SNTG1: variants seen among roughly 807,000 people sequenced by gnomAD.
SNTG1 encodes syntrophin gamma 1.
SNTG1 carries 39 observed loss-of-function variants against 74.7 expected under a neutral mutation model. That is an observed-to-expected ratio of 0.52 (90% CI 0.40 to 0.68). The LOEUF is 0.68. SNTG1 is among the 30% of genes least tolerant of loss of function. The probability of loss-of-function intolerance (pLI) is 0.00; values close to 1 mark genes in which losing one functional copy is unlikely to be tolerated. For synonymous variants in SNTG1, 254 were observed against 217.1 expected, an observed-to-expected ratio of 1.17 and a Z score of -1.49; for missense variants, 685 against 609.5, an observed-to-expected ratio of 1.12 and a Z score of -1.30.
At chr8:50,515,550 T>C (rs890670763) in intron 9 of SNTG1, among the ~76,000 whole-genome samples, 2 of 152,080 alleles carry the variant, frequency 1.3e-5, no homozygotes, top group Admixed American at 6.5e-5. Flanking sequence ...TAAGATCCAC[T>C]GGCTTGAAAT....
At chr8:50,204,853 A>G (rs1216208034) in intron 2 of SNTG1, among the ~76,000 whole-genome samples, 1 of 152,072 alleles carries the variant, frequency 6.6e-6, no homozygotes, top group African/African-American at 2.4e-5. Flanking sequence ...GTTTGCTGAG[A>G]ATGATGGTTC....
chr8:50,107,806 C>G (rs942256218), intron 1 of SNTG1, among the ~76,000 whole-genome samples: 1 of 152,046 alleles, frequency 6.6e-6, no homozygotes. Context: ...CCACCTAAGC[C>G]GCCCAAAGTG....
chr8:50,155,929 G>A (rs1317001276), intron 1 of SNTG1, among the ~76,000 whole-genome samples: 1 of 151,750 alleles, frequency 6.6e-6, no homozygotes, highest in African/African-American at 2.4e-5. Flanking sequence ...ATCACAATTT[G>A]TCAGAGCAAC....
At chr8:50,757,920 C>A (rs976239110) in intron 18 of SNTG1, among the ~76,000 whole-genome samples, 1 of 151,906 alleles carries the variant, frequency 6.6e-6, no homozygotes, top group Admixed American at 6.6e-5. Flanking sequence ...TTCAAAACAA[C>A]ACTACACTGA....
At chr8:50,056,394 C>T (rs1483807360) in intron 1 of SNTG1, among the ~76,000 whole-genome samples, 18 of 152,082 alleles carry the variant, frequency 1.2e-4, no homozygotes. Flanking sequence ...CTTCCTCCTC[C>T]GATTGCTATG....
intron 1 of SNTG1, among the ~76,000 whole-genome samples, chr8:50,074,526 A>C (rs1296411014): frequency 6.6e-6 from 1 of 152,250 alleles, no homozygotes; most frequent in Non-Finnish European, 1.5e-5. Context: ...TTGTTGGAAC[A>C]GTCAAAACAT....
chr8:49,962,247 A>C (rs1159571929), intron 1 of SNTG1, among the ~76,000 whole-genome samples: 2 of 151,916 alleles, frequency 1.3e-5, no homozygotes. Flanking sequence ...GATGAGAAGC[A>C]GATGAGACTA....
intron 2 of SNTG1, among the ~76,000 whole-genome samples, chr8:50,316,797 C>T (rs941977156): frequency 6.6e-6 from 1 of 152,090 alleles, no homozygotes; most frequent in Admixed American, 6.5e-5. Flanking sequence ...TCAACAAATA[C>T]ATATTGAACA....
At chr8:50,144,762 G>A (rs554643179) in intron 1 of SNTG1, among the ~76,000 whole-genome samples, 3 of 152,206 alleles carry the variant, frequency 2.0e-5, no homozygotes, top group East Asian at 1.9e-4. Flanking sequence ...GTGGATAAAC[G>A]TTCTACTCAC....
At chr8:50,452,807 C>T (rs2093469188) in intron 8 of SNTG1, among the ~76,000 whole-genome samples, 1 of 152,042 alleles carries the variant, frequency 6.6e-6, no homozygotes, top group Non-Finnish European at 1.5e-5. Context: ...GATGCTTTGT[C>T]CTCACTGCTT....
At chr8:50,309,027 C>T (rs113261497) in intron 2 of SNTG1, among the ~76,000 whole-genome samples, 1 of 151,824 alleles carries the variant, frequency 6.6e-6, no homozygotes, top group African/African-American at 2.4e-5. Context: ...ATGTGTCTTC[C>T]CAAATTCTAG....
At chr8:50,466,017 T>A (rs1319817378) in intron 8 of SNTG1, among the ~76,000 whole-genome samples, 1 of 152,118 alleles carries the variant, frequency 6.6e-6, no homozygotes, top group Admixed American at 6.6e-5. Flanking sequence ...GCCAAACTGT[T>A]TTCCAAAGTG....
intron 1 of SNTG1, among the ~76,000 whole-genome samples, chr8:49,931,938 C>T (rs1807631168): frequency 6.6e-6 from 1 of 152,152 alleles, no homozygotes; most frequent in African/African-American, 2.4e-5. Flanking sequence ...TGGCGATATT[C>T]ACTATCTTCA....
intron 18 of SNTG1, among the ~76,000 whole-genome samples, chr8:50,790,857 G>C (rs1297012856): frequency 6.6e-6 from 1 of 151,564 alleles, no homozygotes; most frequent in African/African-American, 2.4e-5. Context: ...GATATTTAAG[G>C]GTTGTTTATT....
At chr8:50,785,389 A>T (rs1017875722) in intron 18 of SNTG1, among the ~76,000 whole-genome samples, 8 of 152,052 alleles carry the variant, frequency 5.3e-5, no homozygotes, top group Non-Finnish European at 1.0e-4. Flanking sequence ...AAACGTAACT[A>T]TAAATAATTG....
intron 1 of SNTG1, among the ~76,000 whole-genome samples, chr8:50,143,708 T>C (rs2081755433): frequency 6.6e-6 from 1 of 152,162 alleles, no homozygotes. Context: ...CATAACTCTG[T>C]TGGTCTGGTT....
At chr8:50,548,250 A>T (rs1473746281) in intron 11 of SNTG1, among the ~76,000 whole-genome samples, 1 of 152,160 alleles carries the variant, frequency 6.6e-6, no homozygotes, top group Non-Finnish European at 1.5e-5. Context: ...CTAAAATGAA[A>T]AATAACCACG....
At chr8:50,148,937 T>C (rs2131521229) in intron 1 of SNTG1, among the ~76,000 whole-genome samples, 1 of 152,308 alleles carries the variant, frequency 6.6e-6, no homozygotes, top group South Asian at 2.1e-4. Flanking sequence ...CTGGGTGAAA[T>C]GGTATTTCTA....
chr8:50,470,711 G>C (rs2093646051), intron 8 of SNTG1, among the ~76,000 whole-genome samples: 2 of 152,170 alleles, frequency 1.3e-5, no homozygotes, highest in South Asian at 4.1e-4. Context: ...GAGTGAAGCT[G>C]TAGACCTTCG....
Sources: gnomAD v4.1 joint callset for allele counts (sites outside exome capture counted in the v4.1 genomes callset) on GRCh38, gnomAD v4.1.1 for gene constraint, MANE v1.5 for transcripts, NCBI Gene and HGNC (gene_info 2026-07-23, HGNC 2026-07-21) for gene names.